The following DDX5 variants were observed in gnomAD, a reference collection of about 807,000 sequenced individuals.
DDX5 encodes the protein probable ATP-dependent RNA helicase DDX5.
Under a neutral mutation model 68.6 loss-of-function variants are expected in DDX5, and 6 were observed. The observed-to-expected ratio is 0.09, with a 90% confidence interval of 0.05 to 0.17. The LOEUF is 0.17. Among genes scored for constraint, DDX5 ranks in the 10% least tolerant of loss-of-function variants. The pLI, the probability that DDX5 is intolerant of heterozygous loss-of-function variation, is 1.00. For synonymous variants in DDX5, 350 were observed against 247.0 expected, an observed-to-expected ratio of 1.42 and a Z score of -3.91; for missense variants, 499 against 756.1, an observed-to-expected ratio of 0.66 and a Z score of 3.99.
intron 5 of DDX5, 108 bp downstream of exon 5, chr17:64,503,695 G>A (rs782669121): frequency 1.6e-5 from 24 of 1,523,072 alleles, no homozygotes; most frequent in African/African-American, 6.9e-5. Flanking sequence ...AGCTGAATAG[G>A]GTGAGCTAAC....
At chr17:64,505,060 TGGGATTTATCATGTCGGAAGCCG>T (rs543453942) in intron 1 of DDX5, 26 of 428,450 alleles carry the variant, frequency 6.1e-5, no homozygotes, top group East Asian at 1.4e-4. Flanking sequence ...GTAAACAGCC[TGGGATTTATCATGTCGGAAGCCG>T]GGGATTTATC....
In DDX5 at chr17:64,500,172, A is replaced by G. The variant is rs146611834; in HGVS notation, c.1596T>C (p.Asn532=). 27 of 1,614,070 alleles carry G rather than the reference A, an allele frequency of 1.7e-5. No homozygotes were observed. In the African/African-American group the frequency reaches 3.3e-4, roughly 20 times the overall value. ...LKRDFGAKTQ[N]GVYSAANYTN... ...TGTAATTTGCAGCACTGTAAACACCATTCTGAGTTTTTGCCCCAAAATCTC... is the reference window on the plus strand; with the variant it reads ...TGTAATTTGCAGCACTGTAAACACCGTTCTGAGTTTTTGCCCCAAAATCTC... The change falls in exon 13 of 13, where the codon AAT becomes AAC. Residue 532 remains asparagine, a synonymous_variant. Coordinates refer to ENST00000225792, the MANE Select transcript of DDX5 (RefSeq NM_004396.5).
chr17:64,504,201 G>A (rs1326120015), intron 3 of DDX5, 21 bp downstream of exon 3: 1 of 1,612,926 alleles, frequency 6.2e-7, no homozygotes, highest in Non-Finnish European at 8.5e-7. Context: ...CGGGTAGGTA[G>A]AACTGAAAAG....
chr17:64,506,017 C>G, intron 1 of DDX5, 59 bp downstream of exon 1: 1 of 1,511,104 alleles, frequency 6.6e-7, no homozygotes, highest in Non-Finnish European at 9.0e-7. Flanking sequence ...GGCCGCCACC[C>G]TGACCCGCCC....
At chr17:64,505,068 A>C in intron 1 of DDX5, 2 of 414,218 alleles carry the variant, frequency 4.8e-6, no homozygotes, top group Non-Finnish European at 4.2e-6. Flanking sequence ...CCTGGGATTT[A>C]TCATGTCGGA....
At chr17:64,506,290 G>T (rs144137090), upstream of DDX5, 42 of 1,524,656 alleles carry the variant, frequency 2.8e-5, no homozygotes, top group Non-Finnish European at 2.5e-5. Context: ...TGAATGAGGT[G>T]CCGGCCGCTT....
rs782510105 is a variant in DDX5, at chr17:64,502,398, T to C, written c.1094+41A>G. 2.0e-6 allele frequency: 3 copies of C among 1,508,628 alleles called. No homozygotes were observed. The Admixed American group carries it at 5.1e-5, about 26-fold the overall frequency. The allele number at this position is 1,508,628 out of a possible 1,614,324, so 93.5% of individuals were successfully genotyped here. A position where few individuals can be genotyped will look rare whatever the true frequency, so the allele number is the denominator to read the frequency against. On this transcript the variant is annotated intron_variant, in intron 9 of 12. Transcript: ENST00000225792. The stretch of plus-strand genomic sequence containing the variant: ...GATCCAAGTTTGCCCTTTCCTAAGC[T>C]GTTTTAATCAATCTGCTTCAATGGA...
rs1555671777 is a variant in DDX5, at chr17:64,504,669, T to G, written c.210+8A>C. 1 of 1,599,886 alleles carries G rather than the reference T, an allele frequency of 6.3e-7. No individual in the cohort carries two copies. Among genetic ancestry groups the G allele is most frequent in the South Asian group, 1.1e-5 (1 of 88,524 alleles). ...TACAGCCTGATGAAGCCACATGAAT[T>G]TACTCACTGCTGTGCGCCTAGCCAA... is the stretch of plus-strand genomic sequence containing the variant. On this transcript the variant is annotated splice_region_variant and intron_variant, in intron 2 of 12. Transcript: ENST00000225792.
chr17:64,506,019 G>GGGCCCCCCCCCC, intron 1 of DDX5, 57 bp downstream of exon 1: 2 of 1,360,398 alleles, frequency 1.5e-6, no homozygotes, highest in Non-Finnish European at 2.0e-6. Context: ...CCGCCACCCT[G>GGGCCCCCCCCCC]ACCCGCCCTC....
chr17:64,500,983 C>G, intron 11 of DDX5: 1 of 583,200 alleles, frequency 1.7e-6, no homozygotes, highest in East Asian at 2.8e-5. Flanking sequence ...AATTCATCAC[C>G]CACCCAGTGA....
rs557586456 is a variant in DDX5 at position 64,499,576 on chromosome 17, GT to G, written c.*346del. 2.7e-3 allele frequency: 643 copies of G among 241,652 alleles called. 2 individuals carry two copies. The highest frequency in any genetic ancestry group is 0.013 in the African/African-American group (602 of 45,240). 15.0% of individuals were successfully genotyped at this position (241,652 alleles called of 1,614,324 possible). On this transcript the variant is annotated 3_prime_UTR_variant, in exon 13 of 13. Coordinates refer to ENST00000225792, the MANE Select transcript of DDX5 (RefSeq NM_004396.5). The stretch of plus-strand genomic sequence containing the variant: ...AAAAAACCAGACCATCTTAAGCAAA[GT>G]TTTACATGACATTATATAAAATAAA...
upstream of DDX5, chr17:64,506,791 G>A (rs1469257335): frequency 3.7e-6 from 2 of 543,536 alleles, no homozygotes; most frequent in Non-Finnish European, 6.6e-6. Context: ...ACCCGCCCGG[G>A]CTGCCGGCTG....
At chr17:64,501,062 A>T in intron 11 of DDX5, 1 of 460,260 alleles carries the variant, frequency 2.2e-6, no homozygotes, top group Non-Finnish European at 3.9e-6. Context: ...CTTACAGATC[A>T]TCAAGTGACA....
intron 2 of DDX5, 176 bp downstream of exon 2, chr17:64,504,501 T>A: frequency 2.1e-6 from 2 of 951,736 alleles, no homozygotes; most frequent in Non-Finnish European, 3.1e-6. Context: ...CAACCTAATT[T>A]AAGTAAAAAT....
Position 64,504,719 on chromosome 17 carries a change from C to T in DDX5, c.168G>A (p.Lys56=). 1 of 1,613,610 alleles carries T rather than the reference C, an allele frequency of 6.2e-7. No individual in the cohort carries two copies. Among genetic ancestry groups the T allele is most frequent in the South Asian group, 1.1e-5 (1 of 90,960 alleles). ...AATCAGGGTGCTCTTGATAAAAATTCTTCTCAAATTTAGGCAGCTCATCAA... is the reference window on the plus strand; with the variant it reads ...AATCAGGGTGCTCTTGATAAAAATTTTTCTCAAATTTAGGCAGCTCATCAA... ...WNLDELPKFE[K]NFYQEHPDLA... The change falls in exon 2 of 13, where the codon AAG becomes AAA. Residue 56 remains lysine (K), a synonymous_variant. Transcript: ENST00000225792.
In DDX5 at chr17:64,506,113, C is replaced by T. The variant is rs782192494; in HGVS notation, c.7G>A (p.Gly3Ser). 3.2e-6 allele frequency: 5 copies of T among 1,572,820 alleles called. No individual in the cohort carries two copies. The South Asian group carries it at 5.6e-5, about 18-fold the overall frequency. MS[G>S]YSSDRDRGRD... ...CCGCGGTCTCGGTCACTCGAATAAC[C>T]CGACATGGCGTCAATGGTTGCGGTT... The change falls in exon 1 of 13, where the codon GGT becomes AGT. Residue 3 changes from glycine to serine, a missense_variant. Physicochemically the swap from Gly to Ser is moderately conservative, Grantham distance 56. Transcript: ENST00000225792.
intron 10 of DDX5, 45 bp from the exon 11 acceptor site, chr17:64,502,114 C>G (rs2038311378): frequency 6.2e-7 from 1 of 1,613,684 alleles, no homozygotes; most frequent in African/African-American, 1.3e-5. Flanking sequence ...GAGCAGAATT[C>G]TAGCTAGGTT....
At chr17:64,502,632 TAAGTTC>T in intron 8 of DDX5, 83 bp from the exon 9 acceptor site, 1 of 1,017,558 alleles carries the variant, frequency 9.8e-7, no homozygotes, top group Non-Finnish European at 1.5e-6. Flanking sequence ...AGCAAAACAT[TAAGTTC>T]AATTTACATG....
At chr17:64,505,900 ATC>A in intron 1 of DDX5, 174 bp downstream of exon 1, 2 of 1,534,826 alleles carry the variant, frequency 1.3e-6, no homozygotes, top group Non-Finnish European at 1.7e-6. Flanking sequence ...ACACCGTCAA[ATC>A]TCTTCCAATC....
Sources: allele counts gnomAD v4.1 joint callset, GRCh38; gene constraint gnomAD v4.1.1; transcripts MANE v1.5; gene names NCBI Gene and HGNC (gene_info 2026-07-23, HGNC 2026-07-21).